The following CTTNBP2 variants were observed in gnomAD, a reference collection of about 807,000 sequenced individuals.
CTTNBP2 encodes cortactin binding protein 2.
CTTNBP2 carries 108 observed loss-of-function variants against 156.9 expected under a neutral mutation model. That is an observed-to-expected ratio of 0.69 (90% confidence interval 0.59 to 0.81). CTTNBP2 has a LOEUF of 0.81. Ranked by LOEUF, CTTNBP2 falls within the 30% of genes least tolerant of loss-of-function variation. The pLI is 0.00. For missense variants in CTTNBP2, 1,924 were observed against 2,035.4 expected (o/e 0.95, Z 1.05); for synonymous variants, 767 against 751.8 (o/e 1.02, Z -0.33).
Position 117,735,144 on chromosome 7 carries a change from G to A in CTTNBP2, c.3689-44C>T, listed in dbSNP as rs368482086. 38 of 1,594,460 alleles carry A rather than the reference G, an allele frequency of 2.4e-5. No homozygotes were observed. The African/African-American group carries it at 4.7e-4, about 20-fold the overall frequency. ...CAATGGCCCATCCTCAGTGAGTTAT[G>A]TTATGGGACAGATTCAAATTAAAAT... is the stretch of plus-strand genomic sequence containing the variant. On this transcript the variant is annotated intron_variant, in intron 15 of 22. Transcript: ENST00000160373.
intron 2 of CTTNBP2, among the ~76,000 whole-genome samples, chr7:117,838,968 G>C (rs368701135): frequency 0.088 from 2,232 of 25,248 alleles, 49 homozygotes; most frequent in African/African-American, 0.35. Context: ...TTGCGGGGGC[G>C]GGGGGGGGGC....
In CTTNBP2 at chr7:117,780,589, C is replaced by T. The variant is rs756981214; in HGVS notation, c.2375G>A (p.Cys792Tyr). 1.9e-6 allele frequency: 3 copies of T among 1,563,620 alleles called. No homozygotes were observed. The highest frequency in any genetic ancestry group is 2.6e-6 in the Non-Finnish European group (3 of 1,157,254). ...ATCATATGAAATTAATAATTCTACA[C>T]ACCTAAACACAAGATTAGGATTAAT... Reference protein sequence around the residue: ...CAAAAQGHFECVELLISYDAN... With the variant: ...CAAAAQGHFEYVELLISYDAN... The change falls in exon 7 of 23, where the codon TGT becomes TAT. Residue 792 changes from cysteine to tyrosine, a missense_variant and splice_region_variant. Physicochemically the swap from Cys to Tyr is radical, Grantham distance 194 (BLOSUM62 -2). Coordinates refer to ENST00000160373, the MANE Select transcript of CTTNBP2 (RefSeq NM_033427.3).
At chr7:117,868,285 T>G (rs747725361) in intron 1 of CTTNBP2, among the ~76,000 whole-genome samples, 15 of 152,216 alleles carry the variant, frequency 9.9e-5, no homozygotes, top group Non-Finnish European at 2.1e-4. Context: ...GATTTTCAAA[T>G]GAAAAGGCTG....
chr7:117,869,717 A>G (rs1383787873), intron 1 of CTTNBP2, among the ~76,000 whole-genome samples: 1 of 152,222 alleles, frequency 6.6e-6, no homozygotes, highest in Non-Finnish European at 1.5e-5. Flanking sequence ...GAGAAATACA[A>G]TAACAATGAC....
chr7:117,792,526 C>T lies in CTTNBP2; in HGVS notation c.670G>A (p.Glu224Lys). Residue 224 changes from glutamate (E) to lysine (K), a missense_variant, in exon 4 of 23, where the codon GAA becomes AAA. Transcript: ENST00000160373. The surrounding 1 kb of genome is among the most constrained non-coding windows in gnomAD (Gnocchi z 4.2). The stretch of plus-strand genomic sequence containing the variant: ...GAGAGTTGTTTTTCCATCTGAGCTT[C>T]CATTTCTGTGCTTCTTCGTTTCTCA... ...SAEKRRSTEMEAQMEKQLSEF... is the reference protein window; with the variant it reads ...SAEKRRSTEMKAQMEKQLSEF... The T allele has an allele frequency of 6.2e-7, 1 of 1,614,154 alleles. No individual in the cohort carries two copies. Among genetic ancestry groups the T allele is most frequent in the Non-Finnish European group, 8.5e-7 (1 of 1,180,020 alleles).
At chr7:117,827,828 A>C (rs938914092) in intron 2 of CTTNBP2, among the ~76,000 whole-genome samples, 4 of 152,236 alleles carry the variant, frequency 2.6e-5, no homozygotes, top group Admixed American at 1.3e-4. Flanking sequence ...GTTGTGATTA[A>C]AAATTTTAAA....
chr7:117,797,021 G>T (rs1007728520), intron 3 of CTTNBP2, among the ~76,000 whole-genome samples: 2 of 152,154 alleles, frequency 1.3e-5, no homozygotes, highest in Non-Finnish European at 2.9e-5. Flanking sequence ...TGTAAGAAAG[G>T]AGCCAATAGC....
chr7:117,755,476 T>C (rs537687720), intron 12 of CTTNBP2: 24 of 428,942 alleles, frequency 5.6e-5, no homozygotes, highest in African/African-American at 3.4e-4. Context: ...TAGTTTCAGA[T>C]TGATCTCATA....
intron 2 of CTTNBP2, among the ~76,000 whole-genome samples, chr7:117,857,910 T>C (rs1247191266): frequency 1.3e-5 from 2 of 152,204 alleles, no homozygotes; most frequent in African/African-American, 4.8e-5. Flanking sequence ...ACAGATGACA[T>C]ACTGTGACCA....
intron 22 of CTTNBP2, 23 bp from the exon 23 acceptor site, chr7:117,711,805 C>G: frequency 6.3e-7 from 1 of 1,593,716 alleles, no homozygotes; most frequent in Non-Finnish European, 8.6e-7. Context: ...AGAAACCACA[C>G]AAGTTTATCA....
chr7:117,850,868 C>T (rs756937596), intron 2 of CTTNBP2, among the ~76,000 whole-genome samples: 1 of 152,122 alleles, frequency 6.6e-6, no homozygotes, highest in Non-Finnish European at 1.5e-5. Context: ...GACTATTTAG[C>T]TTACACTCTC....
chr7:117,760,672 T>C lies in CTTNBP2; in HGVS notation c.2935A>G (p.Ile979Val). 1 of 1,612,846 alleles carries C rather than the reference T, an allele frequency of 6.2e-7. No homozygotes were observed. The highest frequency in any genetic ancestry group is 8.5e-7 in the Non-Finnish European group (1 of 1,178,942). The change falls in exon 10 of 23, where the codon ATT becomes GTT. Residue 979 changes from isoleucine (I) to valine (V), a missense_variant. By Grantham distance (29) the Ile-to-Val change is conservative. Transcript: ENST00000160373. The stretch of plus-strand genomic sequence containing the variant: ...TCAGAACCATAGTTGCTTGGTTCAA[T>C]CTCACCCACTGAAATCCTTAAGGGT... The part of the protein sequence containing the change: ...KIPLRISVGE[I>V]EPSNYGSDDL...
At chr7:117,854,346 C>G (rs1323329621) in intron 2 of CTTNBP2, among the ~76,000 whole-genome samples, 2 of 152,194 alleles carry the variant, frequency 1.3e-5, no homozygotes, top group African/African-American at 4.8e-5. Flanking sequence ...TTTTACTTAG[C>G]TGAAACCAAT....
chr7:117,763,156 C>G (rs1466688422), intron 9 of CTTNBP2, among the ~76,000 whole-genome samples: 1 of 152,268 alleles, frequency 6.6e-6, no homozygotes, highest in East Asian at 1.9e-4. Context: ...CATTTTATCT[C>G]TTAATGTTAG....
At chr7:117,833,559 T>C (rs764569975) in intron 2 of CTTNBP2, among the ~76,000 whole-genome samples, 2 of 152,188 alleles carry the variant, frequency 1.3e-5, no homozygotes, top group African/African-American at 4.8e-5. Flanking sequence ...AGTGTCTAGA[T>C]TGTCTTTCTC....
intron 22 of CTTNBP2, among the ~76,000 whole-genome samples, chr7:117,717,794 C>T (rs1278147705): frequency 2.7e-5 from 4 of 150,612 alleles, no homozygotes; most frequent in Non-Finnish European, 5.9e-5. Flanking sequence ...ATTTTGGAAT[C>T]AAATTGAAGG....
intron 14 of CTTNBP2, among the ~76,000 whole-genome samples, chr7:117,745,277 A>G (rs933966941): frequency 1.3e-5 from 2 of 152,204 alleles, no homozygotes; most frequent in Non-Finnish European, 2.9e-5. Context: ...AAGTAGAAAT[A>G]ATGATACCTA....
At chr7:117,773,686 CA>C (rs1562992341) in intron 8 of CTTNBP2, among the ~76,000 whole-genome samples, 40 of 150,414 alleles carry the variant, frequency 2.7e-4, no homozygotes, top group African/African-American at 9.3e-4. Context: ...CACACACACA[CA>C]CACACACACA....
In CTTNBP2 at chr7:117,792,702, C is replaced by T. The variant is rs944517376; in HGVS notation, c.494G>A (p.Gly165Asp). ...CATCAGGACCACCTGCTTGTTCTTGCCACGCTCTTCCTCAAGGCGGGCAGC... is the reference window on the plus strand; with the variant it reads ...CATCAGGACCACCTGCTTGTTCTTGTCACGCTCTTCCTCAAGGCGGGCAGC... ...KLAARLEEER[G>D]KNKQVVLMLV... The change falls in exon 4 of 23, where the codon GGC becomes GAC. Residue 165 changes from glycine to aspartate, a missense_variant. Physicochemically the swap from Gly to Asp is moderately conservative, Grantham distance 94 (BLOSUM62 -1). Coordinates refer to ENST00000160373, the MANE Select transcript of CTTNBP2 (RefSeq NM_033427.3). The surrounding 1 kb of genome is among the most constrained non-coding windows in gnomAD (Gnocchi z 4.2). 6.2e-7 allele frequency: 1 copy of T among 1,612,594 alleles called. No homozygotes were observed. The highest frequency in any genetic ancestry group is 8.5e-7 in the Non-Finnish European group (1 of 1,179,100).
Sources: allele counts gnomAD v4.1 joint callset (sites outside exome capture counted in the v4.1 genomes callset), GRCh38; gene constraint gnomAD v4.1.1; non-coding constraint Gnocchi (gnomAD v3.1); transcripts MANE v1.5; gene names NCBI Gene and HGNC (gene_info 2026-07-23, HGNC 2026-07-21).